Variants in CAMK1 observed in about 807,000 individuals in gnomAD.
CAMK1 encodes the protein calcium/calmodulin-dependent protein kinase type 1.
A neutral mutation model predicts 49.1 loss-of-function variants in CAMK1; 39 were observed. The observed-to-expected ratio is 0.79, with a 90% CI of 0.62 to 1.04. The LOEUF (loss-of-function observed/expected upper bound fraction) is 1.04, where lower values mean the gene tolerates loss of function less well. Ranked by LOEUF, CAMK1 falls within the 50% of genes least tolerant of loss-of-function variation. The pLI is 0.00. For missense variants in CAMK1, 457 were observed against 472.2 expected (o/e 0.97, Z 0.30); for synonymous variants, 192 against 185.2 (o/e 1.04, Z -0.30).
At chr3:9,763,536 T>C (rs2077995771) in intron 3 of CAMK1, among the ~76,000 whole-genome samples, 1 of 151,990 alleles carries the variant, frequency 6.6e-6, no homozygotes, top group African/African-American at 2.4e-5. Context: ...TAGCTTACCA[T>C]GGTTTATTAC....
In CAMK1 at chr3:9,757,404, A is replaced by C; in HGVS notation, c.*135T>G. On this transcript the variant is annotated 3_prime_UTR_variant, in exon 12 of 12. Coordinates refer to ENST00000256460, the MANE Select transcript of CAMK1 (RefSeq NM_003656.5). The surrounding 1 kb of genome is among the most constrained non-coding windows in gnomAD (Gnocchi z 4.5). Reference sequence around the variant, plus strand: ...CAATAAAATAGAAACATTTGTATGGAAAATGCAGTGAGGAGTGGTAGGGAA... The same window carrying C: ...CAATAAAATAGAAACATTTGTATGGCAAATGCAGTGAGGAGTGGTAGGGAA... 2 of 1,610,622 alleles carry C rather than the reference A, an allele frequency of 1.2e-6. No individual in the cohort carries two copies. The highest frequency in any genetic ancestry group is 1.7e-6 in the Non-Finnish European group (2 of 1,178,190).
At chr3:9,760,793 A>T in intron 7 of CAMK1, 25 bp from the exon 8 acceptor site, 2 of 1,613,532 alleles carry the variant, frequency 1.2e-6, no homozygotes, top group South Asian at 2.2e-5. Context: ...ACTCATCCTC[A>T]TTTCCACTTT....
At chr3:9,758,072 G>A (rs2077671505) in intron 10 of CAMK1, 3 of 565,080 alleles carry the variant, frequency 5.3e-6, no homozygotes, top group Non-Finnish European at 8.8e-6. Context: ...TATATAAATA[G>A]AAACATAACT....
At chr3:9,759,022 T>A in intron 10 of CAMK1, 1 of 685,700 alleles carries the variant, frequency 1.5e-6, no homozygotes, top group Non-Finnish European at 2.7e-6. Context: ...CTCTGTGGCA[T>A]ATGAGGCCCT....
Position 9,767,650 on chromosome 3 carries a change from T to C in CAMK1, c.83+17A>G, listed in dbSNP as rs369558770. On this transcript the variant is annotated intron_variant, in intron 2 of 11. Transcript: ENST00000256460. ...CCTCCCTCAGCCATCCAGCACCCAA[T>C]CCTGCCCTGGACTCACGTGCCCAGA... is the stretch of plus-strand genomic sequence containing the variant. 2.7e-5 allele frequency: 43 copies of C among 1,613,604 alleles called. No homozygotes were observed. The highest frequency in any genetic ancestry group is 3.4e-5 in the Non-Finnish European group (40 of 1,179,880).
intron 7 of CAMK1, 148 bp from the exon 8 acceptor site, chr3:9,760,916 T>A: frequency 8.8e-7 from 1 of 1,141,910 alleles, no homozygotes; most frequent in East Asian, 2.6e-5. Flanking sequence ...CTCACTCCTG[T>A]TCTAGCTACA....
chr3:9,767,932 T>G (rs1388985444), intron 1 of CAMK1, 151 bp from the exon 2 acceptor site: 2 of 815,464 alleles, frequency 2.5e-6, no homozygotes. Context: ...ATTTGTTTAT[T>G]CAACATTCAG....
rs546234207 is a variant in CAMK1, at chr3:9,768,374, T to A, written c.-32-593A>T. The stretch of plus-strand genomic sequence containing the variant: ...GACCTCTCCCTCCTGACTCCCCATC[T>A]GGGTCCCGGGAGCATGAGAAATGGT... On this transcript the variant is annotated intron_variant, in intron 1 of 11. Coordinates refer to ENST00000256460, the MANE Select transcript of CAMK1 (RefSeq NM_003656.5). 2.6e-5 allele frequency among the ~76,000 whole-genome samples: 4 copies of A among 152,340 alleles called. No individual in the cohort carries two copies. In the East Asian group the frequency reaches 7.7e-4, roughly 29 times the overall value.
In CAMK1 at chr3:9,757,421, G is replaced by A. The variant is rs2077629855; in HGVS notation, c.*118C>T. 10 of 1,608,756 alleles carry A rather than the reference G, an allele frequency of 6.2e-6. No homozygotes were observed. In the South Asian group the frequency reaches 9.9e-5, roughly 16 times the overall value. On this transcript the variant is annotated 3_prime_UTR_variant, in exon 12 of 12. Coordinates refer to ENST00000256460, the MANE Select transcript of CAMK1 (RefSeq NM_003656.5). The surrounding 1 kb of genome is among the most constrained non-coding windows in gnomAD (Gnocchi z 4.5). ...TTGTATGGAAAATGCAGTGAGGAGTGGTAGGGAAGCAGGTGAGGAGGGGAC... is the reference window on the plus strand; with the variant it reads ...TTGTATGGAAAATGCAGTGAGGAGTAGTAGGGAAGCAGGTGAGGAGGGGAC...
intron 8 of CAMK1, 105 bp from the exon 9 acceptor site, chr3:9,759,855 G>T: frequency 6.2e-7 from 1 of 1,600,668 alleles, no homozygotes; most frequent in Non-Finnish European, 8.5e-7. Context: ...TCAAGACAAA[G>T]AGGCCAAATC....
chr3:9,766,358 T>C, intron 2 of CAMK1: 1 of 655,870 alleles, frequency 1.5e-6, no homozygotes, highest in South Asian at 1.6e-5. Context: ...AGTTGGTTCA[T>C]CCCTTTTTCT....
chr3:9,765,677 T>C (rs954669890), intron 3 of CAMK1, 82 bp downstream of exon 3: 12 of 1,493,426 alleles, frequency 8.0e-6, no homozygotes, highest in Middle Eastern at 2.2e-4. Flanking sequence ...GTTTAAATGA[T>C]TTGTCCAAAG....
chr3:9,761,950 G>GT lies in CAMK1; in HGVS notation c.430-194dup, dbSNP rs1264123586. On this transcript the variant is annotated intron_variant, in intron 5 of 11. Coordinates refer to ENST00000256460, the MANE Select transcript of CAMK1 (RefSeq NM_003656.5). ...CAGGAAGGACAAGGCTCAAGAGGGT[G>GT]TGGGGGGGAACTGTCTCTAAACCTC... 4 of 718,248 alleles carry GT rather than the reference G, an allele frequency of 5.6e-6. No individual in the cohort carries two copies. In the Admixed American group the frequency reaches 9.0e-5, roughly 16 times the overall value. 44.5% of individuals were successfully genotyped at this position (718,248 alleles called of 1,614,324 possible). A position where few individuals can be genotyped will look rare whatever the true frequency, so the allele number is the denominator to read the frequency against.
At position 9,757,968 on chromosome 3, in the gene CAMK1, T is replaced by G. The variant is rs2077665231; in HGVS notation, c.913-122A>C. On this transcript the variant is annotated intron_variant, in intron 10 of 11. Coordinates refer to ENST00000256460, the MANE Select transcript of CAMK1 (RefSeq NM_003656.5). This position sits in a 1 kb window ranked among gnomAD's most constrained non-coding sequence, Gnocchi z 4.5. ...TTATTTTCATTCAGGAGTTATTTTA[T>G]TAATTCCCCTAAAGCCCCCCAAAAA... 1.4e-6 allele frequency: 2 copies of G among 1,460,530 alleles called. No homozygotes were observed. The highest frequency in any genetic ancestry group is 1.8e-6 in the Non-Finnish European group (2 of 1,103,490). The allele number at this position is 1,460,530 out of a possible 1,614,324, so 90.5% of individuals were successfully genotyped here. A position where few individuals can be genotyped will look rare whatever the true frequency, so the allele number is the denominator to read the frequency against.
chr3:9,765,726 G>C (rs762117616), intron 3 of CAMK1, 33 bp downstream of exon 3: 1 of 1,611,358 alleles, frequency 6.2e-7, no homozygotes, highest in Admixed American at 1.7e-5. Flanking sequence ...GGCAGGGTCA[G>C]CTTGGGGCAG....
chr3:9,762,587 C>G (rs1407629407), intron 5 of CAMK1, among the ~76,000 whole-genome samples: 2 of 151,938 alleles, frequency 1.3e-5, no homozygotes, highest in East Asian at 3.9e-4. Flanking sequence ...AAGCTGGTCT[C>G]GAACTGACCT....
chr3:9,761,408 A>C (rs1259141809), intron 7 of CAMK1, 53 bp downstream of exon 7: 1 of 1,553,748 alleles, frequency 6.4e-7, no homozygotes, highest in Non-Finnish European at 8.7e-7. Context: ...AGAGGAAAGT[A>C]GGCGAGAGGA....
chr3:9,764,611 G>GTTTTTTTTTTTTTTTTTTTTTT (rs1310854701), intron 3 of CAMK1, among the ~76,000 whole-genome samples: 1 of 125,076 alleles, frequency 8.0e-6, no homozygotes, highest in African/African-American at 3.1e-5. Context: ...TGCGCCTGGC[G>GTTTTTTTTTTTTTTTTTTTTTT]TTTTTGTTTT....
Position 9,762,992 on chromosome 3 carries a change from G to A in CAMK1, c.351C>T (p.Asp117=), listed in dbSNP as rs571435712. Residue 117 remains aspartate (D), a synonymous_variant, in exon 5 of 12, where the codon GAC becomes GAT. Coordinates refer to ENST00000256460, the MANE Select transcript of CAMK1 (RefSeq NM_003656.5). ...IVEKGFYTER[D]ASRLIFQVLD... ...GCACCTGGAAGATGAGGCGGCTGGC[G>A]TCCCGCTCCGTGTAGAAGCCTTTTT... The A allele has an allele frequency of 7.0e-5, 113 of 1,614,144 alleles. No homozygotes were observed. Among genetic ancestry groups the A allele is most frequent in the Non-Finnish European group, 8.9e-5 (105 of 1,180,032 alleles).
Sources: allele counts gnomAD v4.1 joint callset (sites outside exome capture counted in the v4.1 genomes callset), GRCh38; gene constraint gnomAD v4.1.1; non-coding constraint Gnocchi (gnomAD v3.1); transcripts MANE v1.5; gene names NCBI Gene and HGNC (gene_info 2026-07-23, HGNC 2026-07-21).